The following SESN3 variants were observed in gnomAD, a reference collection of about 807,000 sequenced individuals.
The protein encoded by SESN3 is sestrin 3, also known as sestrin-3.
Under a neutral mutation model 55.3 loss-of-function variants are expected in SESN3, and 21 were observed. That is an observed-to-expected ratio of 0.38 (90% CI 0.27 to 0.55). The LOEUF (loss-of-function observed/expected upper bound fraction) is 0.55, where lower values mean the gene tolerates loss of function less well. Ranked by LOEUF, SESN3 falls within the 20% of genes least tolerant of loss-of-function variation. The probability of loss-of-function intolerance (pLI) is 0.76; values close to 1 mark genes in which losing one functional copy is unlikely to be tolerated. For synonymous variants in SESN3, 181 were observed against 203.1 expected, an observed-to-expected ratio of 0.89 and a Z score of 0.93; for missense variants, 408 against 604.3, an observed-to-expected ratio of 0.68 and a Z score of 3.41.
chr11:95,214,786 T>C (rs1860721634), intron 1 of SESN3, among the ~76,000 whole-genome samples: 1 of 152,136 alleles, frequency 6.6e-6, no homozygotes, highest in South Asian at 2.1e-4. Flanking sequence ...AAAAATAATC[T>C]AAGATGGAAA....
chr11:95,199,152 T>C (rs1022091836), intron 1 of SESN3, among the ~76,000 whole-genome samples: 3 of 152,122 alleles, frequency 2.0e-5, no homozygotes, highest in African/African-American at 7.2e-5. Context: ...TAAGAAATTT[T>C]AAATAGTAAT....
chr11:95,181,872 CTTT>C (rs1005876223), intron 6 of SESN3, among the ~76,000 whole-genome samples: 2 of 151,924 alleles, frequency 1.3e-5, no homozygotes, highest in African/African-American at 4.8e-5. Flanking sequence ...TGTACTGAGT[CTTT>C]TTTCTATATT....
In SESN3 at chr11:95,189,872, A is replaced by C. The variant is rs1204324497; in HGVS notation, c.432T>G (p.Gly144=). The C allele has an allele frequency of 6.2e-7, 1 of 1,611,754 alleles. No individual in the cohort carries two copies. The highest frequency in any genetic ancestry group is 1.7e-5 in the Admixed American group (1 of 59,772). ...KTGGIAEWLN[G]LEYVPQRLKN... is the part of the protein sequence containing the mutation. ...TCAGTCTTTGTGGCACATATTCCAA[A>C]CCATTCAACCACTCAGCAATACCTC... The change falls in exon 4 of 10, where the codon GGT becomes GGG. Residue 144 remains glycine (G), a synonymous_variant. Coordinates refer to ENST00000536441, the MANE Select transcript of SESN3 (RefSeq NM_144665.4).
In SESN3 at chr11:95,170,402, TAAAG is replaced by T. The variant is rs1246238528; in HGVS notation, c.*2849_*2852del. The T allele has an allele frequency of 6.6e-6, 1 of 152,176 alleles. No individual in the cohort carries two copies. The highest frequency in any genetic ancestry group is 1.5e-5 in the Non-Finnish European group (1 of 68,022). 9.4% of individuals were successfully genotyped at this position (152,176 alleles called of 1,614,324 possible). A position where few individuals can be genotyped will look rare whatever the true frequency, so the allele number is the denominator to read the frequency against. ...AATTTTAACATAATAAGCAAAGAATTAAAGAATTCACATTCACATGTGCTTTTCT... is the reference window on the plus strand; with the variant it reads ...AATTTTAACATAATAAGCAAAGAATTAATTCACATTCACATGTGCTTTTCT... On this transcript the variant is annotated 3_prime_UTR_variant, in exon 10 of 10. Transcript: ENST00000536441.
chr11:95,215,173 GA>G (rs1860729135), intron 1 of SESN3, among the ~76,000 whole-genome samples: 1 of 150,008 alleles, frequency 6.7e-6, no homozygotes, highest in Non-Finnish European at 1.5e-5. Flanking sequence ...TAAATTCTTA[GA>G]GTATTAGAAT....
intron 1 of SESN3, among the ~76,000 whole-genome samples, chr11:95,229,703 T>C (rs1224789603): frequency 2.0e-5 from 3 of 152,110 alleles, no homozygotes; most frequent in Non-Finnish European, 4.4e-5. Context: ...GAAAGAACAA[T>C]CCCAAAGTGA....
rs1341011014 is a variant in SESN3, at chr11:95,191,614, A to C, written c.145-13T>G. Reference sequence around the variant, plus strand: ...TTGCTTGGACAACCTTATAACCAAAAAAAACAAAACAAAATGACTATTGAG... The same window carrying C: ...TTGCTTGGACAACCTTATAACCAAACAAAACAAAACAAAATGACTATTGAG... On this transcript the variant is annotated splice_polypyrimidine_tract_variant and intron_variant, in intron 2 of 9. Coordinates refer to ENST00000536441, the MANE Select transcript of SESN3 (RefSeq NM_144665.4). 6 of 1,608,600 alleles carry C rather than the reference A, an allele frequency of 3.7e-6. No individual in the cohort carries two copies. Among genetic ancestry groups the C allele is most frequent in the South Asian group, 3.3e-5 (3 of 90,900 alleles).
At chr11:95,178,964 A>G in intron 6 of SESN3, 136 bp from the exon 7 acceptor site, 1 of 544,912 alleles carries the variant, frequency 1.8e-6, no homozygotes, top group Non-Finnish European at 3.3e-6. Flanking sequence ...GTGACTTTAT[A>G]TAAAATATCT....
intron 2 of SESN3, 42 bp from the exon 3 acceptor site, chr11:95,191,643 T>C (rs768965391): frequency 3.4e-6 from 5 of 1,480,356 alleles, no homozygotes; most frequent in Middle Eastern, 1.8e-4. Context: ...TATTGAGACA[T>C]AAACACACCC....
At chr11:95,189,505 C>A (rs925696995) in intron 4 of SESN3, among the ~76,000 whole-genome samples, 22 of 151,928 alleles carry the variant, frequency 1.4e-4, no homozygotes, top group Non-Finnish European at 3.1e-4. Flanking sequence ...AGATCCCAGG[C>A]ATCCTATCAT....
chr11:95,226,083 T>G (rs1860943646), intron 1 of SESN3, among the ~76,000 whole-genome samples: 1 of 151,360 alleles, frequency 6.6e-6, no homozygotes, highest in Non-Finnish European at 1.5e-5. Flanking sequence ...TCTTTACCTC[T>G]CATTTACAGG....
chr11:95,229,207 T>A (rs1012808652), intron 1 of SESN3, among the ~76,000 whole-genome samples: 2 of 152,138 alleles, frequency 1.3e-5, no homozygotes, highest in African/African-American at 4.8e-5. Flanking sequence ...AAGAAATAAA[T>A]TTTTTTGAAA....
intron 1 of SESN3, among the ~76,000 whole-genome samples, chr11:95,211,355 C>T (rs1860651778): frequency 6.6e-6 from 1 of 152,216 alleles, no homozygotes; most frequent in African/African-American, 2.4e-5. Context: ...ATTATACGTT[C>T]AGCCACCCCC....
intron 1 of SESN3, chr11:95,224,502 AC>A: frequency 2.3e-6 from 1 of 431,842 alleles, no homozygotes; most frequent in Non-Finnish European, 4.6e-6. Flanking sequence ...GGAAAGAAAG[AC>A]CCCAATTAAT....
intron 6 of SESN3, among the ~76,000 whole-genome samples, chr11:95,179,763 T>A (rs1860026714): frequency 6.6e-6 from 1 of 152,126 alleles, no homozygotes; most frequent in African/African-American, 2.4e-5. Flanking sequence ...TATGTGCACT[T>A]TTCTATGCAT....
At chr11:95,210,050 A>C (rs1860624676) in intron 1 of SESN3, among the ~76,000 whole-genome samples, 1 of 148,638 alleles carries the variant, frequency 6.7e-6, no homozygotes, top group Non-Finnish European at 1.5e-5. Flanking sequence ...AAGAAGGATG[A>C]GTTCATGCCC....
At chr11:95,190,538 C>T (rs908495216) in intron 3 of SESN3, among the ~76,000 whole-genome samples, 2 of 151,918 alleles carry the variant, frequency 1.3e-5, no homozygotes, top group African/African-American at 4.8e-5. Flanking sequence ...TTTCTATTCT[C>T]TACATCTTAT....
At chr11:95,212,057 A>G (rs889143772) in intron 1 of SESN3, among the ~76,000 whole-genome samples, 1 of 152,226 alleles carries the variant, frequency 6.6e-6, no homozygotes, top group African/African-American at 2.4e-5. Flanking sequence ...CTATAATGTT[A>G]TCTATAACAC....
chr11:95,195,783 A>G (rs1305434403), intron 1 of SESN3, among the ~76,000 whole-genome samples: 1 of 152,238 alleles, frequency 6.6e-6, no homozygotes, highest in Non-Finnish European at 1.5e-5. Flanking sequence ...GGTTATAAAT[A>G]TCTTCAAACT....
Sources: gnomAD v4.1 joint callset for allele counts (sites outside exome capture counted in the v4.1 genomes callset) on GRCh38, gnomAD v4.1.1 for gene constraint, MANE v1.5 for transcripts, NCBI Gene and HGNC (gene_info 2026-07-23, HGNC 2026-07-21) for gene names.